Variants in TVP23B observed in about 807,000 individuals in gnomAD.
The protein encoded by TVP23B is trans-golgi network vesicle protein 23 homolog B.
A neutral mutation model predicts 30.6 loss-of-function variants in TVP23B; 10 were observed. The ratio of observed to expected loss-of-function variants is 0.33; its 90% CI spans 0.20 to 0.55. The LOEUF (loss-of-function observed/expected upper bound fraction) is 0.55, where lower values mean the gene tolerates loss of function less well. TVP23B is among the 20% of genes least tolerant of loss of function. The pLI is 0.91. For missense variants in TVP23B, 153 were observed against 243.2 expected, an observed-to-expected ratio of 0.63 and a Z score of 2.47; for synonymous variants, 67 against 83.1, an observed-to-expected ratio of 0.81 and a Z score of 1.06.
intron 1 of TVP23B, among the ~76,000 whole-genome samples, chr17:18,786,045 T>TC (rs1317090728): frequency 6.6e-6 from 1 of 152,114 alleles, no homozygotes; most frequent in Admixed American, 6.5e-5. Context: ...TGGGATCCCT[T>TC]CCCCATCTTA....
rs1021644213 is a variant in TVP23B, at chr17:18,781,486, T to A, written c.12+181T>A. On this transcript the variant is annotated intron_variant, in intron 1 of 6. Transcript: ENST00000307767. ...GGGCTGCTGGGGGTTCTGAGGCCGC[T>A]GGGGGCGGCGTGACCCGTGCGGCGC... 10 of 1,191,456 alleles carry A rather than the reference T, an allele frequency of 8.4e-6. No individual in the cohort carries two copies. In the Admixed American group the frequency reaches 1.7e-4, roughly 20 times the overall value. 73.8% of individuals were successfully genotyped at this position (1,191,456 alleles called of 1,614,324 possible).
At chr17:18,798,421 C>G (rs1219327157) in intron 4 of TVP23B, among the ~76,000 whole-genome samples, 1 of 148,842 alleles carries the variant, frequency 6.7e-6, no homozygotes, top group South Asian at 2.1e-4. Context: ...TTTTTTTCCT[C>G]TGGACCCTAA....
chr17:18,789,488 T>C, intron 2 of TVP23B, 53 bp downstream of exon 2: 3 of 1,611,048 alleles, frequency 1.9e-6, no homozygotes, highest in Non-Finnish European at 2.5e-6. Context: ...CTGTTCTGTA[T>C]GTATGTCAGT....
intron 1 of TVP23B, among the ~76,000 whole-genome samples, chr17:18,787,501 A>G (rs1279899490): frequency 1.3e-5 from 2 of 151,902 alleles, no homozygotes; most frequent in Non-Finnish European, 2.9e-5. Context: ...CTCTGAGATG[A>G]TTGTTCAAAT....
rs1297897777 is a variant in TVP23B, at chr17:18,798,829, TA to T, written c.352del (p.Thr118LeufsTer22). ...ESRKESSQEN[K>X]TVSEAESRIF... The stretch of plus-strand genomic sequence containing the variant: ...TTTTATAGGAGTCCTCTCAAGAGAA[TA>T]AAACTGTGTCAGAGGCTGAATCAAG... On this transcript the variant is annotated frameshift_variant, in exon 5 of 7. Coordinates refer to ENST00000307767, the MANE Select transcript of TVP23B (RefSeq NM_016078.6). LOFTEE classifies it high-confidence loss of function. 1 of 1,613,390 alleles carries T rather than the reference TA, an allele frequency of 6.2e-7. No homozygotes were observed. The highest frequency in any genetic ancestry group is 1.7e-5 in the Admixed American group (1 of 59,882).
intron 5 of TVP23B, among the ~76,000 whole-genome samples, chr17:18,799,926 G>A (rs2036133595): frequency 6.6e-6 from 1 of 151,948 alleles, no homozygotes; most frequent in Admixed American, 6.6e-5. Context: ...GGATTTGGAA[G>A]CTTATTGGAA....
intron 6 of TVP23B, among the ~76,000 whole-genome samples, chr17:18,805,100 T>TTTTC (rs1180457161): frequency 4.9e-5 from 7 of 144,260 alleles, no homozygotes; most frequent in Non-Finnish European, 9.1e-5. Context: ...TTTTTTTTTT[T>TTTTC]TTTCTTGAGA....
rs569159140 is a variant in TVP23B at position 18,799,937 on chromosome 17, G to A, written c.462+994G>A. ...CTTTGGATTTGGAAGCTTATTGGAA[G>A]CTTATTGTCTTTTTTCAGTTCTTCT... On this transcript the variant is annotated intron_variant, in intron 5 of 6. Transcript: ENST00000307767. 2.6e-5 allele frequency among the ~76,000 whole-genome samples: 4 copies of A among 152,106 alleles called. No homozygotes were observed. The East Asian group carries it at 7.7e-4, about 29-fold the overall frequency.
intron 3 of TVP23B, among the ~76,000 whole-genome samples, chr17:18,791,951 T>A (rs547549168): frequency 1.6e-4 from 25 of 151,768 alleles, no homozygotes; most frequent in African/African-American, 6.1e-4. Context: ...GATTTTGGAG[T>A]TTCAGAGACA....
At chr17:18,804,090 G>C in intron 5 of TVP23B, 48 bp from the exon 6 acceptor site, 1 of 1,598,600 alleles carries the variant, frequency 6.3e-7, no homozygotes. Flanking sequence ...CACAGAGAAA[G>C]GTCAATTTCA....
intron 1 of TVP23B, among the ~76,000 whole-genome samples, chr17:18,787,803 A>G (rs1444837572): frequency 6.6e-6 from 1 of 151,966 alleles, no homozygotes; most frequent in Non-Finnish European, 1.5e-5. Context: ...TCTATGCTTT[A>G]TGTGAAGGAG....
At chr17:18,793,998 AAG>A (rs1001941231) in intron 3 of TVP23B, among the ~76,000 whole-genome samples, 2 of 151,882 alleles carry the variant, frequency 1.3e-5, no homozygotes, top group Non-Finnish European at 2.9e-5. Context: ...AGAAAGCACT[AAG>A]AGGAACAGAA....
At chr17:18,793,792 G>T (rs1455848643) in intron 3 of TVP23B, among the ~76,000 whole-genome samples, 1 of 151,880 alleles carries the variant, frequency 6.6e-6, no homozygotes, top group Non-Finnish European at 1.5e-5. Context: ...CATTATAATA[G>T]GAAATGTAAT....
chr17:18,801,141 A>G (rs944993627), intron 5 of TVP23B, among the ~76,000 whole-genome samples: 1 of 152,192 alleles, frequency 6.6e-6, no homozygotes, highest in Non-Finnish European at 1.5e-5. Flanking sequence ...GTATTTCCTT[A>G]GCTTTGTCAG....
At position 18,791,060 on chromosome 17, in the gene TVP23B, T is replaced by G; in HGVS notation, c.240+20T>G. On this transcript the variant is annotated intron_variant, in intron 3 of 6. Coordinates refer to ENST00000307767, the MANE Select transcript of TVP23B (RefSeq NM_016078.6). The stretch of plus-strand genomic sequence containing the variant: ...GTGAAGGTAATTTTGATTGTTTTTA[T>G]TTTAAAATTATATTTAATATGAAAA... 1 of 1,564,314 alleles carries G rather than the reference T, an allele frequency of 6.4e-7. No homozygotes were observed. The highest frequency in any genetic ancestry group is 2.3e-5 in the East Asian group (1 of 43,958).
At chr17:18,789,206 A>G (rs1025050241) in intron 1 of TVP23B, 147 bp from the exon 2 acceptor site, 6 of 1,263,104 alleles carry the variant, frequency 4.8e-6, no homozygotes, top group African/African-American at 4.5e-5. Flanking sequence ...GAGGATCTGC[A>G]TGTGTCCTTT....
At chr17:18,787,050 C>G (rs1372958636) in intron 1 of TVP23B, among the ~76,000 whole-genome samples, 2 of 149,892 alleles carry the variant, frequency 1.3e-5, no homozygotes, top group East Asian at 3.9e-4. Context: ...TCAACAAATA[C>G]TGTACCACTT....
chr17:18,789,552 A>G (rs2035960631), intron 2 of TVP23B, 117 bp downstream of exon 2: 5 of 1,328,704 alleles, frequency 3.8e-6, no homozygotes, highest in Admixed American at 4.6e-5. Flanking sequence ...TGAATACTGC[A>G]TGTTGCTAAT....
At chr17:18,789,289 A>G in intron 1 of TVP23B, 64 bp from the exon 2 acceptor site, 3 of 1,601,606 alleles carry the variant, frequency 1.9e-6, no homozygotes, top group Non-Finnish European at 1.7e-6. Context: ...GCAGCTTTGC[A>G]TTGCAGTGGC....
Sources: allele counts gnomAD v4.1 joint callset (sites outside exome capture counted in the v4.1 genomes callset), GRCh38; gene constraint gnomAD v4.1.1; transcripts MANE v1.5; gene names NCBI Gene and HGNC (gene_info 2026-07-23, HGNC 2026-07-21).